The following UGT1A3 variants were observed in gnomAD, a reference collection of about 807,000 sequenced individuals.
UGT1A3 encodes the protein UDP-glucuronosyltransferase 1A3.
Under a neutral mutation model 41.0 loss-of-function variants are expected in UGT1A3, and 31 were observed. That is an observed-to-expected ratio of 0.76 (90% confidence interval 0.57 to 1.02). The LOEUF is 1.02. Ranked by LOEUF, UGT1A3 falls within the 50% of genes least tolerant of loss-of-function variation. The pLI is 0.00. For synonymous variants in UGT1A3, 262 were observed against 257.6 expected (o/e 1.02, Z -0.17); for missense variants, 737 against 671.0 (o/e 1.10, Z -1.09).
At chr2:233,750,552 C>T (rs1256274617) in intron 1 of UGT1A3, 4 of 151,954 alleles carry the variant, frequency 2.6e-5, no homozygotes, top group Non-Finnish European at 5.9e-5. Context: ...ACATCAGAGA[C>T]CTTTGCAGCA....
At chr2:233,733,659 C>T (rs1240175939) in intron 1 of UGT1A3, among the ~76,000 whole-genome samples, 3 of 152,202 alleles carry the variant, frequency 2.0e-5, no homozygotes, top group Non-Finnish European at 2.9e-5. Context: ...ATGAAGCCGA[C>T]TTGATCGATG....
Position 233,729,365 on chromosome 2 carries a change from A to C in UGT1A3, c.239A>C (p.Tyr80Ser), listed in dbSNP as rs367794808. ...KEENFFTLTT[Y>S]AISWTQDEFD... ...GAGAACTTTTTCACCCTGACAACCT[A>C]TGCCATTTCGTGGACCCAGGATGAA... The change falls in exon 1 of 5, where the codon TAT becomes TCT. Residue 80 changes from tyrosine (Y) to serine (S), a missense_variant. Coordinates refer to ENST00000482026, the MANE Select transcript of UGT1A3 (RefSeq NM_019093.4). 153 of 1,614,014 alleles carry C rather than the reference A, an allele frequency of 9.5e-5. No individual in the cohort carries two copies. Among genetic ancestry groups the C allele is most frequent in the Non-Finnish European group, 1.3e-4 (148 of 1,180,000 alleles).
chr2:233,770,455 A>T (rs903654050), intron 4 of UGT1A3: 7 of 152,170 alleles, frequency 4.6e-5, no homozygotes, highest in African/African-American at 1.7e-4. Context: ...GGAGTTCGAA[A>T]CCAACCTGAC....
rs2077953750 is a variant in UGT1A3 at position 233,729,935 on chromosome 2, T to A, written c.809T>A (p.Met270Lys). The A allele has an allele frequency of 6.2e-7, 1 of 1,613,974 alleles. No homozygotes were observed. The highest frequency in any genetic ancestry group is 1.3e-5 in the African/African-American group (1 of 74,936). The part of the protein sequence containing the change: ...DFVMDYPRPI[M>K]PNMVFIGGIN... ...GTGATGGACTACCCCAGGCCAATCA[T>A]GCCCAACATGGTCTTCATTGGGGGC... Residue 270 changes from methionine (M) to lysine (K), a missense_variant, in exon 1 of 5, where the codon ATG (methionine) becomes AAG (lysine). Physicochemically the swap from Met to Lys is moderately conservative, Grantham distance 95 (BLOSUM62 -1). Coordinates refer to ENST00000482026, the MANE Select transcript of UGT1A3 (RefSeq NM_019093.4).
intron 1 of UGT1A3, chr2:233,748,139 A>G: frequency 1.2e-6 from 2 of 1,608,528 alleles, no homozygotes. Context: ...TAAAAATTGT[A>G]TTTACTTACA....
intron 1 of UGT1A3, among the ~76,000 whole-genome samples, chr2:233,765,022 G>A (rs976641951): frequency 6.6e-6 from 1 of 152,124 alleles, no homozygotes; most frequent in Non-Finnish European, 1.5e-5. Context: ...GGCTTGGCAG[G>A]AGTCCTGCTG....
At chr2:233,748,322 T>C (rs905546123) in intron 1 of UGT1A3, among the ~76,000 whole-genome samples, 5 of 151,864 alleles carry the variant, frequency 3.3e-5, no homozygotes, top group African/African-American at 4.9e-5. Context: ...CTAGGACTGA[T>C]GTGACTCATG....
At position 233,734,763 on chromosome 2, in the gene UGT1A3, C is replaced by T. The variant is rs776391017; in HGVS notation, c.867+4770C>T. Among the ~76,000 whole-genome samples, 117 of 152,240 alleles carry T rather than the reference C, an allele frequency of 7.7e-4. 1 individual carries two copies. The highest frequency in any genetic ancestry group is 1.4e-3 in the Non-Finnish European group (94 of 68,010). On this transcript the variant is annotated intron_variant, in intron 1 of 4. Transcript: ENST00000482026. ...AACATCTTTATTTCTGCCTTCACTT[C>T]GTTATTTACCCAGTAGTCATTCAGG...
intron 1 of UGT1A3, among the ~76,000 whole-genome samples, chr2:233,765,026 C>T (rs2741015): frequency 2.6e-5 from 4 of 151,980 alleles, no homozygotes; most frequent in Admixed American, 2.0e-4. Context: ...TGGCAGGAGT[C>T]CTGCTGTGCA....
At chr2:233,737,905 A>C (rs1690628626) in intron 1 of UGT1A3, among the ~76,000 whole-genome samples, 1 of 152,094 alleles carries the variant, frequency 6.6e-6, no homozygotes. Flanking sequence ...AGTGTGGTAA[A>C]GAACAGGCTA....
chr2:233,740,052 T>C (rs368597738), intron 1 of UGT1A3, among the ~76,000 whole-genome samples: 5 of 151,870 alleles, frequency 3.3e-5, no homozygotes, highest in African/African-American at 1.2e-4. Context: ...CTTTCTCCTT[T>C]ACTCACAAGC....
At chr2:233,764,892 GC>G (rs759147783) in intron 1 of UGT1A3, among the ~76,000 whole-genome samples, 77 of 150,328 alleles carry the variant, frequency 5.1e-4, no homozygotes, top group Non-Finnish European at 1.0e-3. Context: ...CAAAGACAAA[GC>G]CCTTAAGAGC....
At position 233,772,362 on chromosome 2, in the gene UGT1A3, A is replaced by C. The variant is rs1400939614; in HGVS notation, c.1408A>C (p.Lys470Gln). 6.2e-7 allele frequency: 1 copy of C among 1,614,242 alleles called. No individual in the cohort carries two copies. The highest frequency in any genetic ancestry group is 2.2e-5 in the East Asian group (1 of 44,878). Reference sequence around the variant, plus strand: ...CTGGGTGGAGTTTGTGATGAGGCACAAGGGCGCGCCACACCTGCGCCCCGC... The same window carrying C: ...CTGGGTGGAGTTTGTGATGAGGCACCAGGGCGCGCCACACCTGCGCCCCGC... ...VFWVEFVMRH[K>Q]GAPHLRPAAH... The change falls in exon 5 of 5, where the codon AAG (lysine) becomes CAG (glutamine). Residue 470 changes from lysine to glutamine, a missense_variant. Physicochemically the swap from Lys to Gln is moderately conservative, Grantham distance 53. Coordinates refer to ENST00000482026, the MANE Select transcript of UGT1A3 (RefSeq NM_019093.4).
Position 233,755,093 on chromosome 2 carries a change from C to G in UGT1A3, c.868-11941C>G, listed in dbSNP as rs566230339. On this transcript the variant is annotated intron_variant, in intron 1 of 4. Transcript: ENST00000482026. ...AGCGGTCATAGATATCGCGTTTCTA[C>G]GCGTCCGACAACACCTCGTAGGCCT... The G allele has an allele frequency of 5.8e-4, 775 of 1,335,150 alleles. 7 individuals carry two copies. Among genetic ancestry groups the G allele is most frequent in the Non-Finnish European group, 7.2e-4 (713 of 992,692 alleles). The allele number at this position is 1,335,150 out of a possible 1,614,324, so 82.7% of individuals were successfully genotyped here. A position where few individuals can be genotyped will look rare whatever the true frequency, so the allele number is the denominator to read the frequency against.
chr2:233,751,085 CAGG>C (rs1331758725), intron 1 of UGT1A3, among the ~76,000 whole-genome samples: 1 of 151,924 alleles, frequency 6.6e-6, no homozygotes, highest in Non-Finnish European at 1.5e-5. Context: ...TGAAGGCAGC[CAGG>C]AGGAGGGCTT....
intron 1 of UGT1A3, chr2:233,754,910 C>G: frequency 7.4e-7 from 1 of 1,353,942 alleles, no homozygotes; most frequent in South Asian, 1.1e-5. Flanking sequence ...CCAAAATATT[C>G]TCCAGCGGGT....
Position 233,772,368 on chromosome 2 carries a change from G to A in UGT1A3, c.1414G>A (p.Ala472Thr), listed in dbSNP as rs775532505. Residue 472 changes from alanine to threonine, a missense_variant, in exon 5 of 5, where the codon GCG (alanine) becomes ACG (threonine). Physicochemically the swap from Ala to Thr is moderately conservative, Grantham distance 58. Transcript: ENST00000482026. ...GGAGTTTGTGATGAGGCACAAGGGC[G>A]CGCCACACCTGCGCCCCGCAGCCCA... ...WVEFVMRHKG[A>T]PHLRPAAHDL... 1.1e-4 allele frequency: 174 copies of A among 1,614,102 alleles called. No individual in the cohort carries two copies. In the Middle Eastern group the frequency reaches 1.6e-3, roughly 15 times the overall value.
intron 1 of UGT1A3, among the ~76,000 whole-genome samples, chr2:233,745,064 T>C (rs1693002453): frequency 6.6e-6 from 1 of 151,912 alleles, no homozygotes; most frequent in Non-Finnish European, 1.5e-5. Flanking sequence ...TTTGTATTAT[T>C]TGTATTGTTT....
Position 233,740,507 on chromosome 2 carries a change from T to C in UGT1A3, c.867+10514T>C, listed in dbSNP as rs1011982264. ...CTTCCAGATGCTTTCCAGTGTGTGA[T>C]GTAAGCTGAACTAAAATCAGCTGTG... On this transcript the variant is annotated intron_variant, in intron 1 of 4. Coordinates refer to ENST00000482026, the MANE Select transcript of UGT1A3 (RefSeq NM_019093.4). Among the ~76,000 whole-genome samples the C allele has an allele frequency of 1.6e-4, 24 of 151,884 alleles. 2 individuals carry two copies. Among genetic ancestry groups the C allele is most frequent in the African/African-American group, 5.6e-4 (23 of 41,150 alleles).
Sources: gnomAD v4.1 joint callset for allele counts (sites outside exome capture counted in the v4.1 genomes callset) on GRCh38, gnomAD v4.1.1 for gene constraint, MANE v1.5 for transcripts, NCBI Gene and HGNC (gene_info 2026-07-23, HGNC 2026-07-21) for gene names.